KCNN1: variants seen among roughly 807,000 people sequenced by gnomAD.
KCNN1 encodes the protein small conductance calcium-activated potassium channel protein 1.
KCNN1 carries 20 observed loss-of-function variants against 44.7 expected under a neutral mutation model. The observed-to-expected ratio is 0.45, with a 90% CI of 0.32 to 0.65. KCNN1 has a LOEUF of 0.65. Ranked by LOEUF, KCNN1 falls within the 30% of genes least tolerant of loss-of-function variation. The pLI, the probability that KCNN1 is intolerant of heterozygous loss-of-function variation, is 0.05. For missense variants in KCNN1, 632 were observed against 785.3 expected (o/e 0.80, Z 2.33); for synonymous variants, 324 against 341.7 (o/e 0.95, Z 0.57).
At chr19:17,975,907 A>G (rs1337311899) in intron 3 of KCNN1, among the ~76,000 whole-genome samples, 1 of 151,688 alleles carries the variant, frequency 6.6e-6, no homozygotes, top group Non-Finnish European at 1.5e-5. Flanking sequence ...GTCTCGCCAT[A>G]TTGCCCAGGC....
At chr19:17,975,264 C>A in intron 3 of KCNN1, 77 bp downstream of exon 3, 1 of 1,017,548 alleles carries the variant, frequency 9.8e-7, no homozygotes, top group East Asian at 2.4e-5. Context: ...CCTTAGACCC[C>A]ATCCCCTCAA....
chr19:17,993,745 C>CA lies in KCNN1; in HGVS notation c.1377+194dup, dbSNP rs992528115. 6.6e-5 allele frequency among the ~76,000 whole-genome samples: 10 copies of CA among 151,202 alleles called. No individual in the cohort carries two copies. Among genetic ancestry groups the CA allele is most frequent in the African/African-American group, 2.4e-4 (10 of 41,170 alleles). ...GCAACATGGTGAAATCCCGTCTCTACAAAAAAAATACAACAATTAGCCAGG... is the reference window on the plus strand; with the variant it reads ...GCAACATGGTGAAATCCCGTCTCTACAAAAAAAAATACAACAATTAGCCAGG... On this transcript the variant is annotated intron_variant, in intron 9 of 9. Transcript: ENST00000684775. This position sits in a 1 kb window ranked among gnomAD's most constrained non-coding sequence, Gnocchi z 4.5.
At chr19:17,988,568 C>T in intron 6 of KCNN1, 43 bp downstream of exon 6, 1 of 1,439,712 alleles carries the variant, frequency 6.9e-7, no homozygotes, top group Non-Finnish European at 9.7e-7. Flanking sequence ...CTGGCCTTGT[C>T]AGCGAGCGTA....
At chr19:17,985,758 C>G (rs910921982) in intron 5 of KCNN1, among the ~76,000 whole-genome samples, 1 of 152,200 alleles carries the variant, frequency 6.6e-6, no homozygotes, top group African/African-American at 2.4e-5. Flanking sequence ...TCACTGTCAC[C>G]CCTTTATTCT....
intron 3 of KCNN1, among the ~76,000 whole-genome samples, chr19:17,976,393 G>C (rs1486562524): frequency 2.0e-5 from 3 of 151,836 alleles, no homozygotes; most frequent in Non-Finnish European, 4.4e-5. Context: ...AAAATGTAGT[G>C]CACCTGTACA....
intron 2 of KCNN1, among the ~76,000 whole-genome samples, chr19:17,959,642 A>G (rs1451501490): frequency 1.3e-5 from 2 of 152,114 alleles, no homozygotes; most frequent in African/African-American, 2.4e-5. Flanking sequence ...AGCTCAGGCA[A>G]TCAGCCCAAC....
At chr19:17,959,719 A>G (rs1830764252) in intron 2 of KCNN1, among the ~76,000 whole-genome samples, 1 of 152,196 alleles carries the variant, frequency 6.6e-6, no homozygotes, top group African/African-American at 2.4e-5. Flanking sequence ...AAATAAAAAA[A>G]TGATTCCCTC....
In KCNN1 at chr19:17,967,695, G is replaced by C. The variant is rs573255662; in HGVS notation, c.-82+378G>C. On this transcript the variant is annotated intron_variant, in intron 1 of 9. Transcript: ENST00000684775. Reference sequence around the variant, plus strand: ...GACCCACCACTGGCCCCTGGATCCAGGGGTTGGGGCACTCAGGGAGGGGTC... The same window carrying C: ...GACCCACCACTGGCCCCTGGATCCACGGGTTGGGGCACTCAGGGAGGGGTC... 4.6e-5 allele frequency among the ~76,000 whole-genome samples: 7 copies of C among 152,080 alleles called. No individual in the cohort carries two copies. In the South Asian group the frequency reaches 1.5e-3, roughly 32 times the overall value.
At chr19:17,964,839 G>C (rs2031759610), upstream of KCNN1, among the ~76,000 whole-genome samples, 1 of 152,210 alleles carries the variant, frequency 6.6e-6, no homozygotes. This position sits in a 1 kb window ranked among gnomAD's most constrained non-coding sequence, Gnocchi z 4.3. Flanking sequence ...ATGCAAAGGA[G>C]AACAAGCACA....
intron 1 of KCNN1, among the ~76,000 whole-genome samples, chr19:17,969,555 C>T (rs1333429268): frequency 6.6e-6 from 1 of 152,164 alleles, no homozygotes; most frequent in Non-Finnish European, 1.5e-5. Flanking sequence ...CTCCTCCCCA[C>T]CCCCTCCCTG....
At chr19:17,988,657 T>A in intron 6 of KCNN1, 132 bp downstream of exon 6, 2 of 732,460 alleles carry the variant, frequency 2.7e-6, no homozygotes, top group East Asian at 2.8e-5. Flanking sequence ...GTGTCAAGAC[T>A]GTGCTGGCTT....
chr19:17,958,623 A>T (rs1428598953), intron 2 of KCNN1, among the ~76,000 whole-genome samples: 5 of 151,376 alleles, frequency 3.3e-5, no homozygotes. Flanking sequence ...GTAGCTTGGG[A>T]CTATAGATAG....
chr19:17,969,334 G>A (rs1316587708), intron 1 of KCNN1, among the ~76,000 whole-genome samples: 1 of 152,298 alleles, frequency 6.6e-6, no homozygotes, highest in East Asian at 1.9e-4. Flanking sequence ...GGCAAAAGGT[G>A]CTGAGCTTCT....
At chr19:17,968,142 A>C (rs1030544300) in intron 1 of KCNN1, among the ~76,000 whole-genome samples, 1 of 151,724 alleles carries the variant, frequency 6.6e-6, no homozygotes, top group Non-Finnish European at 1.5e-5. Context: ...CAACCTCAGC[A>C]GGGACACCCG....
At chr19:17,952,650 G>C (rs1446225239) in intron 1 of KCNN1, among the ~76,000 whole-genome samples, 5 of 152,236 alleles carry the variant, frequency 3.3e-5, no homozygotes, top group African/African-American at 1.2e-4. Context: ...CCTCAGTGGT[G>C]GGGGGAAAGC....
exon 2 of KCNN1, chr19:17,954,670 C>T (rs925995036): frequency 3.3e-5 from 5 of 152,378 alleles, no homozygotes; most frequent in Admixed American, 2.0e-4. Context: ...GAGGAGACCC[C>T]TGCACCCTAG....
At chr19:17,962,156 C>G (rs2031697069), upstream of KCNN1, among the ~76,000 whole-genome samples, 1 of 152,182 alleles carries the variant, frequency 6.6e-6, no homozygotes, top group Non-Finnish European at 1.5e-5. Context: ...GCGCTCATGT[C>G]TGAATGGACA....
rs1030258216 is a variant in KCNN1, at chr19:17,983,344, C to T, written c.917+1217C>T. ...CCCTGCTTGCCCTCAGCACCCCATC[C>T]TCATCCCTCCACCCAGCCCCCACCC... is the stretch of plus-strand genomic sequence containing the variant. On this transcript the variant is annotated intron_variant, in intron 4 of 9. Coordinates refer to ENST00000684775, the MANE Select transcript of KCNN1 (RefSeq NM_001386974.1). This position sits in a 1 kb window ranked among gnomAD's most constrained non-coding sequence, Gnocchi z 4.5. 1.8e-4 allele frequency among the ~76,000 whole-genome samples: 27 copies of T among 152,262 alleles called. No homozygotes were observed. Among genetic ancestry groups the T allele is most frequent in the African/African-American group, 6.5e-4 (27 of 41,566 alleles).
At chr19:17,996,776 AG>A (rs1269007535) in intron 9 of KCNN1, among the ~76,000 whole-genome samples, 1 of 152,164 alleles carries the variant, frequency 6.6e-6, no homozygotes, top group Non-Finnish European at 1.5e-5. Context: ...GGCCCCCACA[AG>A]GTGTTTGCAC....
Sources: allele counts gnomAD v4.1 joint callset (sites outside exome capture counted in the v4.1 genomes callset), GRCh38; gene constraint gnomAD v4.1.1; non-coding constraint Gnocchi (gnomAD v3.1); transcripts MANE v1.5; gene names NCBI Gene and HGNC (gene_info 2026-07-23, HGNC 2026-07-21).